DOP1A: variants seen among roughly 807,000 people sequenced by gnomAD.
The protein encoded by DOP1A is protein DOP1A.
Under a neutral mutation model 267.6 loss-of-function variants are expected in DOP1A, and 90 were observed. The ratio of observed to expected loss-of-function variants is 0.34; its 90% confidence interval spans 0.28 to 0.40. The LOEUF is 0.40. DOP1A is among the 10% of genes least tolerant of loss of function. The probability of loss-of-function intolerance (pLI) is 1.00; values close to 1 mark genes in which losing one functional copy is unlikely to be tolerated. For missense variants in DOP1A, 2,437 were observed against 2,900.4 expected (o/e 0.84, Z 3.67); for synonymous variants, 932 against 999.1 (o/e 0.93, Z 1.27).
Position 83,129,622 on chromosome 6 carries a change from T to G in DOP1A, c.2341+114T>G, listed in dbSNP as rs1777720415. On this transcript the variant is annotated intron_variant, in intron 16 of 38. Coordinates refer to ENST00000349129, the MANE Select transcript of DOP1A (RefSeq NM_015018.4). ...TTAGCCAGTTACTTTTTTTAATGTT[T>G]TAATTTGCAAGTTTTTTTAAAAATG... The G allele has an allele frequency of 1.5e-5, 16 of 1,047,796 alleles. 2 individuals are homozygous for G. In the South Asian group the frequency reaches 3.9e-4, roughly 26 times the overall value. The allele number at this position is 1,047,796 out of a possible 1,614,324, so 64.9% of individuals were successfully genotyped here.
At chr6:83,097,257 C>T (rs1771663206) in intron 3 of DOP1A, 142 bp downstream of exon 3, 1 of 851,412 alleles carries the variant, frequency 1.2e-6, no homozygotes. Flanking sequence ...TATTTTTCTT[C>T]ATGAGTTGCA....
chr6:83,118,409 C>T (rs536875190), intron 7 of DOP1A, among the ~76,000 whole-genome samples: 12 of 152,038 alleles, frequency 7.9e-5, no homozygotes, highest in Admixed American at 4.6e-4. Context: ...TGGTAGAAAA[C>T]GGTTTATTAT....
In DOP1A at chr6:83,110,195, A is replaced by C; in HGVS notation, c.562A>C (p.Ser188Arg). 6.2e-7 allele frequency: 1 copy of C among 1,613,982 alleles called. No homozygotes were observed. Among genetic ancestry groups the C allele is most frequent in the Non-Finnish European group, 8.5e-7 (1 of 1,179,920 alleles). Residue 188 changes from serine to arginine, a missense_variant, in exon 6 of 39, where the codon AGT becomes CGT. Ser to Arg is a moderately radical substitution (Grantham distance 110). This residue lies in a region of DOP1A where 251 missense variants were observed against 359.1 expected (regional missense o/e 0.70). Coordinates refer to ENST00000349129, the MANE Select transcript of DOP1A (RefSeq NM_015018.4). ...AGCATTCTACAGTGCCCTGTGGGGT[A>C]GTCTTCTCACCAGTCCTGCTGTGCG... The part of the protein sequence containing the change: ...QSAFYSALWG[S>R]LLTSPAVRLP...
chr6:83,115,325 A>G (rs1219647525), intron 7 of DOP1A, among the ~76,000 whole-genome samples: 1 of 152,206 alleles, frequency 6.6e-6, no homozygotes. Context: ...AAATATGTAT[A>G]CATTCTGGAA....
chr6:83,088,875 G>C (rs971273850), intron 1 of DOP1A, among the ~76,000 whole-genome samples: 3 of 152,140 alleles, frequency 2.0e-5, no homozygotes, highest in Non-Finnish European at 4.4e-5. Flanking sequence ...ATTATTAATG[G>C]TTACATCTGT....
intron 33 of DOP1A, 149 bp from the exon 34 acceptor site, chr6:83,155,802 G>C: frequency 1.2e-6 from 1 of 857,092 alleles, no homozygotes; most frequent in Non-Finnish European, 1.7e-6. Flanking sequence ...CTGTTTGCCA[G>C]CCTGTCTGCC....
At chr6:83,109,176 T>C (rs1227168052) in intron 5 of DOP1A, 96 bp downstream of exon 5, 7 of 1,074,768 alleles carry the variant, frequency 6.5e-6, no homozygotes, top group Non-Finnish European at 9.5e-6. Context: ...AAATGAATTA[T>C]TCTAGACAGT....
chr6:83,165,695 C>T, intron 38 of DOP1A: 1 of 222,096 alleles, frequency 4.5e-6, no homozygotes, highest in Admixed American at 4.7e-5. Flanking sequence ...AGTTTGTTGG[C>T]AAGAGGTCAG....
chr6:83,088,561 T>TA (rs1292552691), intron 1 of DOP1A, among the ~76,000 whole-genome samples: 2 of 151,904 alleles, frequency 1.3e-5, no homozygotes, highest in East Asian at 3.9e-4. Flanking sequence ...TAGCTGGGAT[T>TA]ACAGGCATGC....
At chr6:83,104,932 G>A (rs1013620980) in intron 4 of DOP1A, among the ~76,000 whole-genome samples, 1 of 151,714 alleles carries the variant, frequency 6.6e-6, no homozygotes, top group Non-Finnish European at 1.5e-5. Flanking sequence ...TACTGTGTAT[G>A]TGTTTACTCT....
Position 83,167,897 on chromosome 6 carries a change from G to A in DOP1A, c.7128G>A (p.Leu2376=). 1.2e-6 allele frequency: 2 copies of A among 1,613,242 alleles called. No individual in the cohort carries two copies. Among genetic ancestry groups the A allele is most frequent in the Non-Finnish European group, 1.7e-6 (2 of 1,179,524 alleles). ...AGGAAGACAACTCAGGGAGAACATT[G>A]GGTTGGGAGCCAGGGCACTTGCTGC... ...NPEEDNSGRT[L]GWEPGHLLLT... The change falls in exon 39 of 39, where the codon TTG becomes TTA. Residue 2376 remains leucine (L), a synonymous_variant. Transcript: ENST00000349129.
rs574781311 is a variant in DOP1A at position 83,121,825 on chromosome 6, A to T, written c.1100-105A>T. The T allele has an allele frequency of 5.6e-5, 66 of 1,186,250 alleles. No homozygotes were observed. The African/African-American group carries it at 9.2e-4, about 16-fold the overall frequency. 73.5% of individuals were successfully genotyped at this position (1,186,250 alleles called of 1,614,324 possible). A position where few individuals can be genotyped will look rare whatever the true frequency, so the allele number is the denominator to read the frequency against. Reference sequence around the variant, plus strand: ...TTAGCTTCTGAAGAAATACTATTTTAAAAATACTTGTTTTTAAAACATTGT... The same window carrying T: ...TTAGCTTCTGAAGAAATACTATTTTTAAAATACTTGTTTTTAAAACATTGT... On this transcript the variant is annotated intron_variant, in intron 10 of 38. Coordinates refer to ENST00000349129, the MANE Select transcript of DOP1A (RefSeq NM_015018.4).
At chr6:83,085,462 A>G (rs1316012032) in intron 1 of DOP1A, among the ~76,000 whole-genome samples, 2 of 152,246 alleles carry the variant, frequency 1.3e-5, no homozygotes, top group Non-Finnish European at 2.9e-5. Flanking sequence ...CAGGCTACTT[A>G]GACTGATCAG....
chr6:83,122,827 A>G (rs533914759), intron 11 of DOP1A, 36 bp from the exon 12 acceptor site: 1 of 1,387,184 alleles, frequency 7.2e-7, no homozygotes, highest in South Asian at 1.5e-5. Context: ...AAATGTTAAT[A>G]TTTTTTAGTT....
Position 83,138,704 on chromosome 6 carries a change from T to C in DOP1A, c.4662T>C (p.Ala1554=). 29 of 1,614,060 alleles carry C rather than the reference T, an allele frequency of 1.8e-5. No individual in the cohort carries two copies. The highest frequency in any genetic ancestry group is 2.5e-5 in the Non-Finnish European group (29 of 1,179,950). The change falls in exon 21 of 39, where the codon GCT becomes GCC. Residue 1554 remains alanine (A), a synonymous_variant. Transcript: ENST00000349129. The part of the protein sequence containing the change: ...SEKMAGKNLV[A]VEEGFSEDSL... ...AAATGGCAGGTAAGAACCTGGTTGC[T>C]GTGGAAGAAGGTTTCTCAGAGGACA...
At chr6:83,085,310 A>G (rs1768917827) in intron 1 of DOP1A, among the ~76,000 whole-genome samples, 1 of 152,206 alleles carries the variant, frequency 6.6e-6, no homozygotes, top group Admixed American at 6.5e-5. Context: ...AGATAAGGCT[A>G]TTGACTTCAT....
chr6:83,081,538 C>CA (rs1338995783), intron 1 of DOP1A, among the ~76,000 whole-genome samples: 3 of 151,968 alleles, frequency 2.0e-5, no homozygotes, highest in Non-Finnish European at 2.9e-5. Context: ...TCACCATATA[C>CA]AAAAATCATC....
Position 83,134,201 on chromosome 6 carries a change from A to T in DOP1A, c.2784A>T (p.Glu928Asp), listed in dbSNP as rs766569822. ...TTTCTCCTCAGAAAATAAGGATGGA[A>T]GCACATGCCAAGTTTGCAGTTCTTT... The part of the protein sequence containing the change: ...LTHKDKKIRM[E>D]AHAKFAVLWH... Residue 928 changes from glutamate to aspartate, a missense_variant, in exon 19 of 39, where the codon GAA becomes GAT. This residue lies in a region of DOP1A where 878 missense variants were observed against 992.9 expected (regional missense o/e 0.88). Transcript: ENST00000349129. 6.2e-7 allele frequency: 1 copy of T among 1,612,780 alleles called. No homozygotes were observed.
intron 3 of DOP1A, among the ~76,000 whole-genome samples, chr6:83,100,397 C>G (rs1457770002): frequency 1.3e-5 from 2 of 151,988 alleles, no homozygotes; most frequent in Non-Finnish European, 2.9e-5. Flanking sequence ...CTTCTCACAT[C>G]AAATATTAAA....
Sources: allele counts gnomAD v4.1 joint callset (sites outside exome capture counted in the v4.1 genomes callset), GRCh38; gene constraint gnomAD v4.1.1; regional missense constraint gnomAD v4.1.1; transcripts MANE v1.5; gene names NCBI Gene and HGNC (gene_info 2026-07-23, HGNC 2026-07-21).